The following AGXT2 variants were observed in gnomAD, a reference collection of about 807,000 sequenced individuals.
The protein encoded by AGXT2 is alanine--glyoxylate aminotransferase 2, mitochondrial.
In AGXT2, 61 loss-of-function variants were observed where a neutral mutation model predicts 62.5. The observed-to-expected ratio is 0.98, with a 90% CI of 0.79 to 1.21. The LOEUF (loss-of-function observed/expected upper bound fraction) is 1.21. Among genes scored for constraint, AGXT2 ranks in the 50% most tolerant of loss-of-function variants. The pLI is 0.00. For missense variants in AGXT2, 666 were observed against 641.5 expected, an observed-to-expected ratio of 1.04 and a Z score of -0.41; for synonymous variants, 243 against 218.7, an observed-to-expected ratio of 1.11 and a Z score of -0.98.
At chr5:35,032,601 G>A (rs900878436) in intron 7 of AGXT2, 131 bp downstream of exon 7, 2 of 847,322 alleles carry the variant, frequency 2.4e-6, no homozygotes, top group African/African-American at 1.7e-5. Context: ...TTACTTTCCA[G>A]TTTTGCTTCC....
At chr5:35,006,691 G>A (rs1402759406) in intron 12 of AGXT2, among the ~76,000 whole-genome samples, 1 of 152,096 alleles carries the variant, frequency 6.6e-6, no homozygotes, top group Non-Finnish European at 1.5e-5. Context: ...CATGTCACCA[G>A]GTCAAAATGT....
Position 35,013,016 on chromosome 5 carries a change from G to A in AGXT2, c.1126C>T (p.Gln376Ter), listed in dbSNP as rs1227397676. The stretch of plus-strand genomic sequence containing the variant: ...TTCCCTCCAAAGGTGTTGAAGTGCT[G>A]CAGGCATTTCGCCAAAGATTTGGCA... The part of the protein sequence containing the change: ...EIAKSLAKCL[Q>*]HFNTFGGNPM... Residue 376 changes from glutamine to a stop codon, truncating the protein, a stop_gained, in exon 11 of 14, where the codon CAG becomes TAG. Transcript: ENST00000231420. LOFTEE classifies it high-confidence loss of function. The A allele has an allele frequency of 1.3e-6, 2 of 1,551,716 alleles. No homozygotes were observed. The highest frequency in any genetic ancestry group is 1.7e-6 in the Non-Finnish European group (2 of 1,146,984).
intron 11 of AGXT2, 193 bp downstream of exon 11, chr5:35,012,760 AC>A: frequency 1.6e-6 from 1 of 620,424 alleles, no homozygotes; most frequent in East Asian, 2.8e-5. Context: ...CTTATCCAAT[AC>A]TTTCAGCACC....
At chr5:35,007,718 G>A (rs1339336217) in intron 12 of AGXT2, among the ~76,000 whole-genome samples, 2 of 152,136 alleles carry the variant, frequency 1.3e-5, no homozygotes, top group Non-Finnish European at 2.9e-5. Flanking sequence ...CCCTTCTATA[G>A]ATACTATTTT....
intron 12 of AGXT2, among the ~76,000 whole-genome samples, chr5:35,005,746 C>A (rs1398407829): frequency 6.6e-6 from 1 of 151,936 alleles, no homozygotes; most frequent in Non-Finnish European, 1.5e-5. Context: ...TGTGCCCATG[C>A]CTGTGCCCCA....
chr5:35,005,088 T>C (rs539018215), intron 12 of AGXT2, among the ~76,000 whole-genome samples: 26 of 152,236 alleles, frequency 1.7e-4, no homozygotes, highest in African/African-American at 5.3e-4. Context: ...TTACGACTGA[T>C]TGGAAAGAGA....
At chr5:35,008,224 A>G (rs1766506836) in intron 12 of AGXT2, among the ~76,000 whole-genome samples, 1 of 152,252 alleles carries the variant, frequency 6.6e-6, no homozygotes, top group Non-Finnish European at 1.5e-5. Flanking sequence ...CATGTCAAAT[A>G]TATATCTATG....
intron 12 of AGXT2, among the ~76,000 whole-genome samples, chr5:35,004,551 C>G (rs1561210965): frequency 2.0e-5 from 3 of 152,238 alleles, no homozygotes; most frequent in African/African-American, 7.2e-5. Context: ...TCTTCCCAGT[C>G]TGTGAGTACA....
At chr5:35,041,451 CCT>C (rs999850536) in intron 1 of AGXT2, among the ~76,000 whole-genome samples, 5 of 152,104 alleles carry the variant, frequency 3.3e-5, no homozygotes, top group African/African-American at 1.2e-4. Flanking sequence ...TCCTCTGACT[CCT>C]AGCCCAGTAG....
At chr5:35,007,959 C>A (rs1006591206) in intron 12 of AGXT2, among the ~76,000 whole-genome samples, 1 of 152,104 alleles carries the variant, frequency 6.6e-6, no homozygotes, top group African/African-American at 2.4e-5. Flanking sequence ...TGCTTTCTCT[C>A]TCTCTCTCTC....
At position 34,998,333 on chromosome 5, in the gene AGXT2, A is replaced by T; in HGVS notation, c.*386T>A. 3.5e-6 allele frequency: 1 copy of T among 289,748 alleles called. No homozygotes were observed. Among genetic ancestry groups the T allele is most frequent in the Non-Finnish European group, 6.5e-6 (1 of 152,848 alleles). 17.9% of individuals were successfully genotyped at this position (289,748 alleles called of 1,614,324 possible). ...GCAACAAGAAGACATCTCTTCTTGA[A>T]CTGAAGAGTGAGGGTGAAGAAAACT... On this transcript the variant is annotated 3_prime_UTR_variant, in exon 14 of 14. Transcript: ENST00000231420.
intron 9 of AGXT2, among the ~76,000 whole-genome samples, chr5:35,019,319 T>G (rs1225489464): frequency 8.1e-4 from 121 of 149,476 alleles, no homozygotes; most frequent in African/African-American, 2.9e-3. Flanking sequence ...ACCACATACT[T>G]GGAAGTAAAG....
At position 35,047,833 on chromosome 5, in the gene AGXT2, C is replaced by G; in HGVS notation, c.60G>C (p.Arg20Ser). ...RPLCLVTSAP[R>S]ILEMHPFLSL... ...TCAGGAAAGGATGCATCTCAAGGAT[C>G]CTGGGAGCGGAAGTGACCAGGCACA... The change falls in exon 1 of 14, where the codon AGG becomes AGC. Residue 20 changes from arginine to serine, a missense_variant. Arg to Ser is a moderately radical substitution (Grantham distance 110). Coordinates refer to ENST00000231420, the MANE Select transcript of AGXT2 (RefSeq NM_031900.4). 6.2e-7 allele frequency: 1 copy of G among 1,614,110 alleles called. No individual in the cohort carries two copies. Among genetic ancestry groups the G allele is most frequent in the Non-Finnish European group, 8.5e-7 (1 of 1,180,014 alleles).
rs1340274960 is a variant in AGXT2, at chr5:35,026,812, T to C, written c.770-302A>G. ...GTCCCAAAGTGTCATTGAGCTGGTATAGATAGCTGTTTCACCTAAGGATGC... is the reference window on the plus strand; with the variant it reads ...GTCCCAAAGTGTCATTGAGCTGGTACAGATAGCTGTTTCACCTAAGGATGC... On this transcript the variant is annotated intron_variant, in intron 7 of 13. Coordinates refer to ENST00000231420, the MANE Select transcript of AGXT2 (RefSeq NM_031900.4). 6 of 978,860 alleles carry C rather than the reference T, an allele frequency of 6.1e-6. No homozygotes were observed. In the African/African-American group the frequency reaches 1.1e-4, roughly 17 times the overall value. 60.6% of individuals were successfully genotyped at this position (978,860 alleles called of 1,614,324 possible). A position where few individuals can be genotyped will look rare whatever the true frequency, so the allele number is the denominator to read the frequency against.
intron 7 of AGXT2, chr5:35,026,968 CTTT>C (rs924645615): frequency 1.0e-6 from 1 of 985,180 alleles, no homozygotes; most frequent in Admixed American, 6.1e-5. Context: ...GTGTCTTTGT[CTTT>C]AGAGTTAGTA....
chr5:35,035,306 A>G lies in AGXT2; in HGVS notation c.497T>C (p.Leu166Ser). 7 of 1,613,926 alleles carry G rather than the reference A, an allele frequency of 4.3e-6. No individual in the cohort carries two copies. Among genetic ancestry groups the G allele is most frequent in the East Asian group, 2.2e-5 (1 of 44,864 alleles). ...LLPEPLKVIF[L>S]VNSGSEANEL... ...ATTGGCTTCTGAGCCACTGTTCACC[A>G]AGAAAATGACCTGGAGAGGAAAGGA... Residue 166 changes from leucine (L) to serine (S), a missense_variant, in exon 5 of 14, where the codon TTG becomes TCG. Leu to Ser is a moderately radical substitution (Grantham distance 145, BLOSUM62 -2). Coordinates refer to ENST00000231420, the MANE Select transcript of AGXT2 (RefSeq NM_031900.4).
intron 13 of AGXT2, among the ~76,000 whole-genome samples, chr5:34,999,217 C>T (rs766346384): frequency 6.6e-6 from 1 of 152,218 alleles, no homozygotes; most frequent in Non-Finnish European, 1.5e-5. Flanking sequence ...CACCCTTCTG[C>T]AACCATTCAT....
At chr5:35,013,355 G>C (rs1327966854) in intron 10 of AGXT2, among the ~76,000 whole-genome samples, 1 of 152,192 alleles carries the variant, frequency 6.6e-6, no homozygotes, top group African/African-American at 2.4e-5. Context: ...AAGAGGAAGA[G>C]ACACCAGAGC....
intron 1 of AGXT2, among the ~76,000 whole-genome samples, chr5:35,041,225 A>G (rs1043851563): frequency 2.7e-5 from 4 of 148,358 alleles, no homozygotes; most frequent in Non-Finnish European, 4.5e-5. Flanking sequence ...CCCCCCGCCA[A>G]AAAAAAAAAA....
Sources: allele counts gnomAD v4.1 joint callset (sites outside exome capture counted in the v4.1 genomes callset), GRCh38; gene constraint gnomAD v4.1.1; transcripts MANE v1.5; gene names NCBI Gene and HGNC (gene_info 2026-07-23, HGNC 2026-07-21).